The following TEX9 variants were observed in gnomAD, a reference collection of about 807,000 sequenced individuals.
The protein encoded by TEX9 is testis-expressed protein 9.
Under a neutral mutation model 59.6 loss-of-function variants are expected in TEX9, and 74 were observed. The ratio of observed to expected loss-of-function variants is 1.24; its 90% CI spans 1.03 to 1.51. TEX9 has a LOEUF of 1.51. TEX9 is among the 40% of genes most tolerant of loss of function. The probability of loss-of-function intolerance (pLI) is 0.00; values close to 1 mark genes in which losing one functional copy is unlikely to be tolerated. For missense variants in TEX9, 522 were observed against 447.8 expected, an observed-to-expected ratio of 1.17 and a Z score of -1.49; for synonymous variants, 186 against 152.2, an observed-to-expected ratio of 1.22 and a Z score of -1.64.
chr15:56,319,086 A>G lies in TEX9; in HGVS notation c.-106-54355A>G, dbSNP rs2713902. 3.3e-3 allele frequency among the ~76,000 whole-genome samples: 506 copies of G among 152,206 alleles called. 3 individuals carry two copies. The highest frequency in any genetic ancestry group is 0.011 in the African/African-American group (472 of 41,554). On this transcript the variant is annotated intron_variant, in intron 1 of 5. Coordinates refer to the TEX9 transcript ENST00000560827. ...TTTAAAAATCCCACCAGTATTGTTC[A>G]GAGAGGAAGTTTCACAAGTGAAATT...
rs549257995 is a variant in TEX9, at chr15:56,428,551, T to C, written c.*29+78T>C. The C allele has an allele frequency of 2.3e-4, 164 of 713,602 alleles. 1 individual carries two copies. In the African/African-American group the frequency reaches 2.8e-3, roughly 12 times the overall value. The allele number at this position is 713,602 out of a possible 1,614,324, so 44.2% of individuals were successfully genotyped here. ...TCTTCATAAGTAATATATTTGATTA[T>C]GAAAGCAAAATAATTTCAAAGAATT... On this transcript the variant is annotated intron_variant, in intron 12 of 12. Coordinates refer to ENST00000352903, the Ensembl canonical transcript of TEX9.
intron 1 of TEX9, among the ~76,000 whole-genome samples, chr15:56,257,938 C>A (rs2044180334): frequency 6.6e-6 from 1 of 152,048 alleles, no homozygotes; most frequent in Non-Finnish European, 1.5e-5. Flanking sequence ...ACATTGAAGT[C>A]TTTAATCCAT....
At chr15:56,281,060 CTTGTA>C (rs2044805664) in intron 1 of TEX9, among the ~76,000 whole-genome samples, 2 of 151,998 alleles carry the variant, frequency 1.3e-5, no homozygotes, top group South Asian at 4.2e-4. Context: ...TGATAGAAAT[CTTGTA>C]TTGAAGAGGT....
chr15:56,299,455 G>C (rs2045290999), intron 1 of TEX9, among the ~76,000 whole-genome samples: 1 of 152,164 alleles, frequency 6.6e-6, no homozygotes, highest in Non-Finnish European at 1.5e-5. Flanking sequence ...AAGCAGTCTA[G>C]GCCACAAGGA....
At chr15:56,356,065 A>G (rs1201908645) in intron 1 of TEX9, among the ~76,000 whole-genome samples, 1 of 152,114 alleles carries the variant, frequency 6.6e-6, no homozygotes. Context: ...TTCTAAGTAC[A>G]TATGATGTCA....
chr15:56,385,922 G>C (rs1055630372), intron 4 of TEX9, among the ~76,000 whole-genome samples: 1 of 151,984 alleles, frequency 6.6e-6, no homozygotes, highest in Non-Finnish European at 1.5e-5. Context: ...ATTATTGCAT[G>C]CGATCCAGTA....
At chr15:56,308,463 T>C (rs2045532368) in intron 1 of TEX9, among the ~76,000 whole-genome samples, 1 of 152,208 alleles carries the variant, frequency 6.6e-6, no homozygotes, top group Non-Finnish European at 1.5e-5. Context: ...ATTAGACCTT[T>C]ATCAGATATA....
In TEX9 at chr15:56,287,083, A is replaced by G. The variant is rs111430866; in HGVS notation, c.-107+42805A>G. On this transcript the variant is annotated intron_variant, in intron 1 of 5. Transcript: ENST00000560827. ...TGGAGGATGCTCTATATTTGACATAATGGCCCAAGTTTTCAATAAATGAAA... is the reference window on the plus strand; with the variant it reads ...TGGAGGATGCTCTATATTTGACATAGTGGCCCAAGTTTTCAATAAATGAAA... 1.5e-3 allele frequency among the ~76,000 whole-genome samples: 234 copies of G among 152,280 alleles called. 1 individual carries two copies. Among genetic ancestry groups the G allele is most frequent in the African/African-American group, 5.4e-3 (224 of 41,564 alleles).
intron 12 of TEX9, chr15:56,445,527 C>A (rs2050892267): frequency 6.6e-6 from 1 of 151,984 alleles, no homozygotes; most frequent in South Asian, 2.1e-4. Flanking sequence ...AACATATACT[C>A]TGATAATATG....
At chr15:56,285,191 G>A (rs757006570) in intron 1 of TEX9, among the ~76,000 whole-genome samples, 1 of 152,028 alleles carries the variant, frequency 6.6e-6, no homozygotes, top group Non-Finnish European at 1.5e-5. Flanking sequence ...AGTGCTAGTT[G>A]CAGTCTCTTG....
intron 1 of TEX9, among the ~76,000 whole-genome samples, chr15:56,339,673 C>T (rs1367788567): frequency 2.0e-5 from 3 of 152,036 alleles, no homozygotes; most frequent in Non-Finnish European, 4.4e-5. Flanking sequence ...TGAATGCTTA[C>T]GTCCCCCCGC....
chr15:56,244,803 G>A (rs1301749293), intron 1 of TEX9, among the ~76,000 whole-genome samples: 2 of 139,540 alleles, frequency 1.4e-5, no homozygotes, highest in Admixed American at 1.4e-4. Flanking sequence ...CCCTCCCCCC[G>A]CAGACTCCGC....
chr15:56,354,790 A>C (rs2046654379), intron 1 of TEX9, among the ~76,000 whole-genome samples: 1 of 152,214 alleles, frequency 6.6e-6, no homozygotes, highest in African/African-American at 2.4e-5. Flanking sequence ...AAAATAGAAA[A>C]TAGTGGTGCA....
At chr15:56,378,919 T>A (rs1245292713) in intron 3 of TEX9, among the ~76,000 whole-genome samples, 1 of 151,250 alleles carries the variant, frequency 6.6e-6, no homozygotes, top group Non-Finnish European at 1.5e-5. Context: ...TACAAATTAG[T>A]CAGATGTGGT....
At chr15:56,291,900 T>A (rs796244958) in intron 1 of TEX9, among the ~76,000 whole-genome samples, 29 of 152,320 alleles carry the variant, frequency 1.9e-4, no homozygotes, top group African/African-American at 6.3e-4. Flanking sequence ...GCAAAGGAGA[T>A]GAGGCAATTG....
chr15:56,376,980 G>A (rs1246100197), intron 3 of TEX9, among the ~76,000 whole-genome samples: 1 of 152,148 alleles, frequency 6.6e-6, no homozygotes, highest in Admixed American at 6.5e-5. Context: ...TGGATATTCC[G>A]TTTTCCCAGC....
intron 9 of TEX9, chr15:56,395,635 G>C (rs1373935051): frequency 6.6e-6 from 1 of 152,066 alleles, no homozygotes; most frequent in Non-Finnish European, 1.5e-5. Flanking sequence ...ACCAACATCT[G>C]CTAGATTATC....
At chr15:56,343,334 A>T (rs1162791741) in intron 1 of TEX9, among the ~76,000 whole-genome samples, 1 of 152,090 alleles carries the variant, frequency 6.6e-6, no homozygotes, top group Non-Finnish European at 1.5e-5. Flanking sequence ...CAAATAAACT[A>T]TAAGAAGAAT....
intron 9 of TEX9, among the ~76,000 whole-genome samples, chr15:56,406,270 G>GT (rs148420687): frequency 0.01 from 1,562 of 152,112 alleles, 23 homozygotes; most frequent in African/African-American, 0.035. Context: ...GTTCATCAAT[G>GT]TTTTACATGT....
Sources: allele counts gnomAD v4.1 joint callset (sites outside exome capture counted in the v4.1 genomes callset), GRCh38; gene constraint gnomAD v4.1.1; transcripts MANE v1.5; gene names NCBI Gene and HGNC (gene_info 2026-07-23, HGNC 2026-07-21).